Variants in XIRP2 observed in about 807,000 individuals in gnomAD.
XIRP2 encodes xin actin binding repeat containing 2.
Under a neutral mutation model 277.0 loss-of-function variants are expected in XIRP2, and 236 were observed. The ratio of observed to expected loss-of-function variants is 0.85; its 90% CI spans 0.77 to 0.95. XIRP2 has a LOEUF of 0.95. Among genes scored for constraint, XIRP2 ranks in the 40% least tolerant of loss-of-function variants. XIRP2 has a pLI of 0.00. For missense variants in XIRP2, 4,640 were observed against 4,157.5 expected (o/e 1.12, Z -3.19); for synonymous variants, 1,490 against 1,416.5 (o/e 1.05, Z -1.17).
chr2:166,997,477 G>A (rs1687253805), intron 2 of XIRP2, among the ~76,000 whole-genome samples: 1 of 152,070 alleles, frequency 6.6e-6, no homozygotes, highest in Non-Finnish European at 1.5e-5. Flanking sequence ...TAGAGAATAG[G>A]TTCCATTTAA....
At chr2:166,897,688 G>T (rs1684278290) in intron 1 of XIRP2, among the ~76,000 whole-genome samples, 1 of 152,168 alleles carries the variant, frequency 6.6e-6, no homozygotes, top group Admixed American at 6.6e-5. Context: ...CTTTCATGGA[G>T]AAGGTGTGGT....
chr2:167,171,896 A>C (rs567036952), intron 3 of XIRP2, among the ~76,000 whole-genome samples: 2 of 152,194 alleles, frequency 1.3e-5, no homozygotes, highest in South Asian at 4.1e-4. Context: ...TAGTGTCTTC[A>C]TGACACATGT....
At chr2:167,005,803 T>A (rs1401238002) in intron 2 of XIRP2, among the ~76,000 whole-genome samples, 1 of 146,388 alleles carries the variant, frequency 6.8e-6, no homozygotes, top group Non-Finnish European at 1.5e-5. Flanking sequence ...AAAAAAAAAA[T>A]TACACAACTG....
chr2:166,892,981 T>TAC lies in XIRP2; in HGVS notation c.-19+4450_-19+4451dup, dbSNP rs768482855. Among the ~76,000 whole-genome samples, 1,028 of 143,066 alleles carry TAC rather than the reference T, an allele frequency of 7.2e-3. 8 individuals are homozygous for TAC. Among genetic ancestry groups the TAC allele is most frequent in the South Asian group, 0.015 (70 of 4,586 alleles). 93.9% of individuals were successfully genotyped at this position (143,066 alleles called of 152,430 possible). On this transcript the variant is annotated intron_variant, in intron 1 of 10. Coordinates refer to ENST00000409195, the MANE Select transcript of XIRP2 (RefSeq NM_152381.6). ...GTATATACATATATATATATGTATA[T>TAC]ACACACACACACACACACACACACA...
At chr2:167,121,143 T>C (rs570272010) in intron 2 of XIRP2, among the ~76,000 whole-genome samples, 1 of 152,292 alleles carries the variant, frequency 6.6e-6, no homozygotes, top group East Asian at 1.9e-4. Flanking sequence ...TTCCAACCAT[T>C]TTCCACCTTG....
chr2:167,128,552 C>G (rs1461503160), intron 2 of XIRP2, among the ~76,000 whole-genome samples: 2 of 152,096 alleles, frequency 1.3e-5, no homozygotes, highest in African/African-American at 2.4e-5. Context: ...GTATCCGGGG[C>G]GGTCCTGGAG....
chr2:166,958,166 A>G (rs1442468865), intron 2 of XIRP2, among the ~76,000 whole-genome samples: 1 of 151,898 alleles, frequency 6.6e-6, no homozygotes, highest in Non-Finnish European at 1.5e-5. Context: ...ATTTCCCAGG[A>G]ATGCACTGAC....
chr2:167,038,506 G>GTTTATTGACATTAAACTCTTT (rs1688576006), intron 2 of XIRP2, among the ~76,000 whole-genome samples: 1 of 150,346 alleles, frequency 6.7e-6, no homozygotes. Context: ...TTAAACTCTT[G>GTTTATTGACATTAAACTCTTT]ACCCAGAAAT....
chr2:167,167,481 T>A (rs1020031827), intron 3 of XIRP2, among the ~76,000 whole-genome samples: 6 of 152,294 alleles, frequency 3.9e-5, no homozygotes, highest in African/African-American at 1.4e-4. Flanking sequence ...TCTCCAGTCT[T>A]AGCATATTGT....
intron 2 of XIRP2, among the ~76,000 whole-genome samples, chr2:167,046,784 G>A (rs973100926): frequency 7.9e-5 from 12 of 151,950 alleles, no homozygotes; most frequent in African/African-American, 2.9e-4. Flanking sequence ...AGAGTGGAAG[G>A]TGAAAGGAGG....
At chr2:167,182,816 A>C (rs1353478043) in intron 3 of XIRP2, among the ~76,000 whole-genome samples, 1 of 152,190 alleles carries the variant, frequency 6.6e-6, no homozygotes, top group Non-Finnish European at 1.5e-5. Context: ...CTTAAAGGAA[A>C]ATTAAAGAAA....
chr2:167,167,586 C>T (rs1692561753), intron 3 of XIRP2, among the ~76,000 whole-genome samples: 1 of 152,238 alleles, frequency 6.6e-6, no homozygotes, highest in South Asian at 2.1e-4. Flanking sequence ...TGTACCACTT[C>T]ATGGGTAGTA....
At chr2:166,957,747 C>T (rs1401310672) in intron 2 of XIRP2, among the ~76,000 whole-genome samples, 2 of 151,696 alleles carry the variant, frequency 1.3e-5, no homozygotes, top group Non-Finnish European at 2.9e-5. Context: ...TTAAAACAAA[C>T]CATGCAGATA....
rs183087719 is a variant in XIRP2 at position 167,148,916 on chromosome 2, A to T, written c.562+12854A>T. On this transcript the variant is annotated intron_variant, in intron 3 of 10. Coordinates refer to ENST00000409195, the MANE Select transcript of XIRP2 (RefSeq NM_152381.6). The stretch of plus-strand genomic sequence containing the variant: ...CCAGAAACTGTTAGTTCCCATACTA[A>T]TCTAGGATGGTAGAACTTTGAAAAA... Among the ~76,000 whole-genome samples, 286 of 152,234 alleles carry T rather than the reference A, an allele frequency of 1.9e-3. 3 individuals are homozygous for T. The highest frequency in any genetic ancestry group is 6.5e-3 in the African/African-American group (270 of 41,564).
intron 2 of XIRP2, among the ~76,000 whole-genome samples, chr2:167,135,229 G>T (rs186064701): frequency 5.4e-4 from 82 of 151,980 alleles, no homozygotes; most frequent in African/African-American, 1.7e-3. Context: ...TGTTTTATTT[G>T]ATTACATTAC....
intron 2 of XIRP2, among the ~76,000 whole-genome samples, chr2:167,072,872 AT>A (rs1213473920): frequency 6.6e-6 from 1 of 152,192 alleles, no homozygotes; most frequent in Non-Finnish European, 1.5e-5. Flanking sequence ...AAGGCCGCAT[AT>A]TTTGCATAAA....
rs1695230733 is a variant in XIRP2, at chr2:167,245,644, G to A, written c.4252G>A (p.Val1418Ile). ...TATTGACCATATACAAGGTGGCAAT[G>A]TAAAGACAAGTAGACAATTCTTTGA... is the stretch of plus-strand genomic sequence containing the variant. Reference protein sequence around the residue: ...PSIDHIQGGNVKTSRQFFESE... With the variant: ...PSIDHIQGGNIKTSRQFFESE... The change falls in exon 9 of 11, where the codon GTA becomes ATA. Residue 1418 changes from valine to isoleucine, a missense_variant. Transcript: ENST00000409195. The A allele has an allele frequency of 6.2e-7, 1 of 1,613,568 alleles. No individual in the cohort carries two copies. The highest frequency in any genetic ancestry group is 8.5e-7 in the Non-Finnish European group (1 of 1,179,686).
chr2:167,089,348 GTTCT>G (rs1452082321), intron 2 of XIRP2, among the ~76,000 whole-genome samples: 1 of 152,026 alleles, frequency 6.6e-6, no homozygotes, highest in Admixed American at 6.6e-5. Flanking sequence ...TCAGTTAATT[GTTCT>G]TTCAAGTAGC....
At chr2:167,153,765 T>C (rs1192030396) in intron 3 of XIRP2, among the ~76,000 whole-genome samples, 1 of 151,470 alleles carries the variant, frequency 6.6e-6, no homozygotes, top group East Asian at 1.9e-4. Flanking sequence ...TGCATAGTAT[T>C]CCATGGTGTA....
Sources: allele counts gnomAD v4.1 joint callset (sites outside exome capture counted in the v4.1 genomes callset), GRCh38; gene constraint gnomAD v4.1.1; transcripts MANE v1.5; gene names NCBI Gene and HGNC (gene_info 2026-07-23, HGNC 2026-07-21).